AGO3: variants seen among roughly 807,000 people sequenced by gnomAD.
AGO3 encodes argonaute RISC catalytic component 3.
Under a neutral mutation model 105.5 loss-of-function variants are expected in AGO3, and 16 were observed. That is an observed-to-expected ratio of 0.15 (90% confidence interval 0.10 to 0.23). The LOEUF (loss-of-function observed/expected upper bound fraction) is 0.23, where lower values mean the gene tolerates loss of function less well. Among genes scored for constraint, AGO3 ranks in the 10% least tolerant of loss-of-function variants. AGO3 has a pLI of 1.00. For missense variants in AGO3, 534 were observed against 1,088.0 expected (o/e 0.49, Z 7.16); for synonymous variants, 340 against 367.3 (o/e 0.93, Z 0.85).
intron 5 of AGO3, among the ~76,000 whole-genome samples, chr1:35,976,205 GAT>G (rs1407206657): frequency 6.6e-6 from 1 of 152,120 alleles, no homozygotes; most frequent in Non-Finnish European, 1.5e-5. Context: ...AGAGTGCTGG[GAT>G]TACAGGCGTG....
At chr1:36,041,597 G>A (rs576883106) in intron 16 of AGO3, among the ~76,000 whole-genome samples, 21 of 152,100 alleles carry the variant, frequency 1.4e-4, no homozygotes, top group South Asian at 4.1e-4. Flanking sequence ...GTCATTTTCA[G>A]TGCTCTGATC....
At chr1:35,948,078 TAAATAA>T (rs965505736) in intron 2 of AGO3, among the ~76,000 whole-genome samples, 2 of 151,914 alleles carry the variant, frequency 1.3e-5, no homozygotes, top group African/African-American at 4.8e-5. Context: ...AAAAAATAAA[TAAATAA>T]AAATAAAAAG....
chr1:36,009,089 C>CTTTTTTTTTTTTTTTT lies in AGO3; in HGVS notation c.1029+49_1029+50insTTTTTTTTTTTTTTTT. On this transcript the variant is annotated intron_variant, in intron 8 of 18. Transcript: ENST00000373191. ...AATTAATACCCTGTTGTTCATGATT[C>CTTTTTTTTTTTTTTTT]TTTTGGGGTCTTTTATGGCCGATAA... 6.1e-6 allele frequency: 9 copies of CTTTTTTTTTTTTTTTT among 1,474,644 alleles called. No individual in the cohort carries two copies. In the East Asian group the frequency reaches 3.2e-4, roughly 53 times the overall value. The allele number at this position is 1,474,644 out of a possible 1,614,324, so 91.3% of individuals were successfully genotyped here.
rs1295618675 is a variant in AGO3 at position 36,003,709 on chromosome 1, A to AAAAAAAATATAT, written c.659-631_659-630insAAAAAATATATA. Reference sequence around the variant, plus strand: ...AAGTCTGTCTCAAAAAAAAAAAAAAAATATATATATATATATATATATATA... The same window carrying AAAAAAAATATAT: ...AAGTCTGTCTCAAAAAAAAAAAAAAAAAAAAAATATATATATATATATATATATATATATATA... On this transcript the variant is annotated intron_variant, in intron 5 of 18. Coordinates refer to ENST00000373191, the MANE Select transcript of AGO3 (RefSeq NM_024852.4). 2.2e-3 allele frequency among the ~76,000 whole-genome samples: 218 copies of AAAAAAAATATAT among 99,392 alleles called. 2 individuals are homozygous for AAAAAAAATATAT. Among genetic ancestry groups the AAAAAAAATATAT allele is most frequent in the Non-Finnish European group, 3.7e-3 (189 of 51,760 alleles). The allele number at this position is 99,392 out of a possible 152,430, so 65.2% of individuals were successfully genotyped here.
At position 36,051,214 on chromosome 1, in the gene AGO3, C is replaced by A. The variant is rs114873796; in HGVS notation, c.2275-3732C>A. Among the ~76,000 whole-genome samples the A allele has an allele frequency of 7.3e-3, 1,113 of 152,234 alleles. 5 individuals are homozygous for A. The highest frequency in any genetic ancestry group is 0.012 in the Admixed American group (189 of 15,272). On this transcript the variant is annotated intron_variant, in intron 17 of 18. Coordinates refer to ENST00000373191, the MANE Select transcript of AGO3 (RefSeq NM_024852.4). Reference sequence around the variant, plus strand: ...CCTCCCAAAGTACTAGGATTACAGTCATGAGTTACCATGCCCGGCCTCAAA... The same window carrying A: ...CCTCCCAAAGTACTAGGATTACAGTAATGAGTTACCATGCCCGGCCTCAAA...
intron 17 of AGO3, among the ~76,000 whole-genome samples, chr1:36,051,422 A>C (rs1217741979): frequency 6.6e-6 from 1 of 152,214 alleles, no homozygotes; most frequent in African/African-American, 2.4e-5. Context: ...AAACATTTAC[A>C]TCAAAAACAT....
chr1:35,933,822 T>A (rs974276875), intron 1 of AGO3, among the ~76,000 whole-genome samples: 1 of 152,122 alleles, frequency 6.6e-6, no homozygotes, highest in Non-Finnish European at 1.5e-5. Context: ...TGATAGGATA[T>A]TTTAAATTCT....
At chr1:35,951,649 A>G (rs1020127787) in intron 2 of AGO3, among the ~76,000 whole-genome samples, 2 of 152,162 alleles carry the variant, frequency 1.3e-5, no homozygotes, top group East Asian at 3.9e-4. Context: ...TTGGCCTTTC[A>G]AAGTGCTGGG....
intron 5 of AGO3, among the ~76,000 whole-genome samples, chr1:35,980,335 T>G (rs1397267881): frequency 6.6e-6 from 1 of 152,244 alleles, no homozygotes; most frequent in Non-Finnish European, 1.5e-5. Flanking sequence ...ATTGAGCTTA[T>G]TCTACTTTTC....
Position 35,972,018 on chromosome 1 carries a change from C to G in AGO3, c.313-6C>G. The G allele has an allele frequency of 1.9e-6, 3 of 1,612,888 alleles. No individual in the cohort carries two copies. The highest frequency in any genetic ancestry group is 2.5e-6 in the Non-Finnish European group (3 of 1,179,392). On this transcript the variant is annotated splice_polypyrimidine_tract_variant and splice_region_variant and intron_variant, in intron 3 of 18. Coordinates refer to ENST00000373191, the MANE Select transcript of AGO3 (RefSeq NM_024852.4). ...ATTTACCAGTTGACTCTTTTCCCAT[C>G]AACAGGTAGATTTAGACGTTACTTT... is the stretch of plus-strand genomic sequence containing the variant.
intron 2 of AGO3, among the ~76,000 whole-genome samples, chr1:35,964,589 A>G (rs1380731950): frequency 6.6e-6 from 1 of 152,126 alleles, no homozygotes; most frequent in Non-Finnish European, 1.5e-5. Context: ...GTGAACATAC[A>G]CATGCATGTG....
intron 11 of AGO3, among the ~76,000 whole-genome samples, chr1:36,016,029 G>A (rs1437239184): frequency 2.0e-5 from 3 of 152,182 alleles, no homozygotes; most frequent in African/African-American, 7.2e-5. Flanking sequence ...TACAGAATAT[G>A]GAAATGAAGT....
upstream of AGO3, chr1:35,930,979 C>T (rs1427542174): frequency 2.1e-5 from 7 of 334,346 alleles, no homozygotes; most frequent in Non-Finnish European, 2.2e-5. Flanking sequence ...CCCCGGCGTC[C>T]TCCGCGCCGG....
intron 5 of AGO3, among the ~76,000 whole-genome samples, chr1:35,981,583 A>G (rs1197957910): frequency 3.3e-5 from 5 of 152,186 alleles, no homozygotes; most frequent in Non-Finnish European, 7.3e-5. Flanking sequence ...AGAATTTGTG[A>G]CAGGTATACA....
rs1333469890 is a variant in AGO3, at chr1:36,058,575, TC to T, written c.*2832del. ...TCTTTAGTTTCTCTCTTACCTGTAATCCACTATTATTGCCAATTCACTGTAT... is the reference window on the plus strand; with the variant it reads ...TCTTTAGTTTCTCTCTTACCTGTAATCACTATTATTGCCAATTCACTGTAT... On this transcript the variant is annotated 3_prime_UTR_variant, in exon 19 of 19. Coordinates refer to ENST00000373191, the MANE Select transcript of AGO3 (RefSeq NM_024852.4). The T allele has an allele frequency of 1.3e-5, 2 of 152,162 alleles. No individual in the cohort carries two copies. The highest frequency in any genetic ancestry group is 4.8e-5 in the African/African-American group (2 of 41,426). 9.4% of individuals were successfully genotyped at this position (152,162 alleles called of 1,614,324 possible).
chr1:35,933,243 G>T (rs921549614), intron 1 of AGO3, among the ~76,000 whole-genome samples: 1 of 152,110 alleles, frequency 6.6e-6, no homozygotes, highest in South Asian at 2.1e-4. Flanking sequence ...CTATACTTTG[G>T]CTCAAGATTG....
At chr1:36,005,770 A>G (rs1242070611) in intron 6 of AGO3, 1 of 985,290 alleles carries the variant, frequency 1.0e-6, no homozygotes, top group Non-Finnish European at 1.2e-6. Context: ...AAGAGCATGG[A>G]CTCGATCTTA....
chr1:35,994,792 A>G (rs1351005745), intron 5 of AGO3, among the ~76,000 whole-genome samples: 2 of 152,218 alleles, frequency 1.3e-5, no homozygotes, highest in African/African-American at 4.8e-5. Flanking sequence ...GAATAAATAT[A>G]AAGATGTGCA....
Position 36,056,406 on chromosome 1 carries a change from A to G in AGO3, c.*661A>G, listed in dbSNP as rs1292472322. The G allele has an allele frequency of 6.6e-6, 1 of 152,070 alleles. No homozygotes were observed. Among genetic ancestry groups the G allele is most frequent in the Non-Finnish European group, 1.5e-5 (1 of 68,008 alleles). The allele number at this position is 152,070 out of a possible 1,614,324, so 9.4% of individuals were successfully genotyped here. A position where few individuals can be genotyped will look rare whatever the true frequency, so the allele number is the denominator to read the frequency against. On this transcript the variant is annotated 3_prime_UTR_variant, in exon 19 of 19. Transcript: ENST00000373191. ...CCTACATTTTTTTCCCAGTCCTACC[A>G]GTGACATTCAAATGTTGATGTATCT...
Sources: gnomAD v4.1 joint callset for allele counts (sites outside exome capture counted in the v4.1 genomes callset) on GRCh38, gnomAD v4.1.1 for gene constraint, MANE v1.5 for transcripts, NCBI Gene and HGNC (gene_info 2026-07-23, HGNC 2026-07-21) for gene names.